DNM2: variants seen among roughly 807,000 people sequenced by gnomAD.
The protein encoded by DNM2 is dynamin 2.
A neutral mutation model predicts 99.0 loss-of-function variants in DNM2; 15 were observed. That is an observed-to-expected ratio of 0.15 (90% CI 0.10 to 0.23). The LOEUF is 0.23. Among genes scored for constraint, DNM2 ranks in the 10% least tolerant of loss-of-function variants. The pLI, the probability that DNM2 is intolerant of heterozygous loss-of-function variation, is 1.00. For missense variants in DNM2, 742 were observed against 1,189.4 expected (o/e 0.62, Z 5.53); for synonymous variants, 525 against 481.2 (o/e 1.09, Z -1.19).
chr19:10,786,762 C>G (rs1363198911), intron 7 of DNM2, 56 bp downstream of exon 7: 1 of 1,610,486 alleles, frequency 6.2e-7, no homozygotes, highest in African/African-American at 1.3e-5. Context: ...TTCCATCAGC[C>G]ACAGGGCCCC....
In DNM2 at chr19:10,796,527, C is replaced by T. The variant is rs377576577; in HGVS notation, c.1197-853C>T. ...CTGCCTCCTGGGAAGCAGAGAGGGA[C>T]CCCCCGCGTCAACTGCTGGAGGCTG... On this transcript the variant is annotated intron_variant, in intron 9 of 20. Transcript: ENST00000389253. The surrounding 1 kb of genome is among the most constrained non-coding windows in gnomAD (Gnocchi z 5.6). 2.8e-4 allele frequency among the ~76,000 whole-genome samples: 43 copies of T among 152,234 alleles called. No homozygotes were observed. The highest frequency in any genetic ancestry group is 9.4e-4 in the African/African-American group (39 of 41,534).
intron 13 of DNM2, among the ~76,000 whole-genome samples, chr19:10,807,064 G>T (rs1457129567): frequency 1.3e-5 from 2 of 151,954 alleles, no homozygotes; most frequent in African/African-American, 4.8e-5. Context: ...CCTGCCTTCA[G>T]TACCTTATTA....
At chr19:10,752,979 C>T (rs2070251807) in intron 1 of DNM2, among the ~76,000 whole-genome samples, 1 of 152,022 alleles carries the variant, frequency 6.6e-6, no homozygotes, top group South Asian at 2.1e-4. Flanking sequence ...AACCAAAAAA[C>T]TTAAGGTGGT....
chr19:10,755,782 GC>G (rs1213952000), intron 1 of DNM2, among the ~76,000 whole-genome samples: 4 of 152,014 alleles, frequency 2.6e-5, no homozygotes, highest in Admixed American at 1.3e-4. Context: ...TCGTGTCTTA[GC>G]CTCCCGAGTG....
chr19:10,810,966 G>A (rs1280959656), intron 14 of DNM2: 1 of 152,482 alleles, frequency 6.6e-6, no homozygotes, highest in Non-Finnish European at 1.5e-5. Flanking sequence ...ACCTCACAGG[G>A]GCTGCTGGCC....
In DNM2 at chr19:10,793,861, G is replaced by T. The variant is rs769166411; in HGVS notation, c.1128+6G>T. On this transcript the variant is annotated splice_donor_region_variant and intron_variant, in intron 8 of 20. Coordinates refer to ENST00000389253, the MANE Select transcript of DNM2 (RefSeq NM_001005361.3). ...TCCCATTTGAGCTGGTGAAGGTAGT[G>T]CCCCCCGGGGCTGGGCCCTCCCGTC... 6.2e-7 allele frequency: 1 copy of T among 1,614,096 alleles called. No homozygotes were observed. Among genetic ancestry groups the T allele is most frequent in the Non-Finnish European group, 8.5e-7 (1 of 1,180,010 alleles).
At chr19:10,794,059 T>G (rs1025952903) in intron 8 of DNM2, among the ~76,000 whole-genome samples, 2 of 152,210 alleles carry the variant, frequency 1.3e-5, no homozygotes, top group Non-Finnish European at 2.9e-5. Context: ...CAGAACAATA[T>G]GAAAACCCCT....
Position 10,765,251 on chromosome 19 carries a change from C to G in DNM2, c.235+5440C>G, listed in dbSNP as rs530734834. Among the ~76,000 whole-genome samples the G allele has an allele frequency of 7.2e-5, 11 of 152,344 alleles. 1 individual carries two copies. The South Asian group carries it at 2.3e-3, about 32-fold the overall frequency. ...GGGATTACAGGCGTGAGCCACCACG[C>G]CCGGCCTGTTTTTTCTTAATGGACT... On this transcript the variant is annotated intron_variant, in intron 2 of 20. Transcript: ENST00000389253. This position sits in a 1 kb window ranked among gnomAD's most constrained non-coding sequence, Gnocchi z 4.4.
chr19:10,718,619 C>A, intron 1 of DNM2: 1 of 635,458 alleles, frequency 1.6e-6, no homozygotes, highest in Non-Finnish European at 2.2e-6. Context: ...GGGGCGGTGT[C>A]ACGGGCCAGG....
Position 10,764,339 on chromosome 19 carries a change from G to A in DNM2, c.235+4528G>A, listed in dbSNP as rs191827139. Among the ~76,000 whole-genome samples the A allele has an allele frequency of 6.6e-6, 1 of 152,324 alleles. No homozygotes were observed. Among genetic ancestry groups the A allele is most frequent in the African/African-American group, 2.4e-5 (1 of 41,572 alleles). ...TGTGGGGTCTGATGTCCAAAGACAG[G>A]GCCCCCAGGGCGCAGCCCACGTTCC... On this transcript the variant is annotated intron_variant, in intron 2 of 20. Transcript: ENST00000389253. This position sits in a 1 kb window ranked among gnomAD's most constrained non-coding sequence, Gnocchi z 4.1.
chr19:10,808,916 G>A (rs1432250519), intron 14 of DNM2: 1 of 291,494 alleles, frequency 3.4e-6, no homozygotes, highest in East Asian at 6.8e-5. Context: ...GGAAGATCTC[G>A]CTTAAGCCAG....
At chr19:10,782,276 C>T (rs1330171902) in intron 5 of DNM2, among the ~76,000 whole-genome samples, 2 of 152,318 alleles carry the variant, frequency 1.3e-5, no homozygotes, top group African/African-American at 4.8e-5. Flanking sequence ...TCAAGCGTTC[C>T]ACCCGCCTCG....
intron 7 of DNM2, among the ~76,000 whole-genome samples, chr19:10,792,539 G>A (rs560162151): frequency 9.8e-5 from 15 of 152,296 alleles, no homozygotes; most frequent in African/African-American, 3.4e-4. Flanking sequence ...TCTAAGGGGC[G>A]ACACATGTTA....
At chr19:10,805,768 G>A (rs192433423) in intron 12 of DNM2, 148 bp from the exon 13 acceptor site, 36 of 927,052 alleles carry the variant, frequency 3.9e-5, no homozygotes, top group African/African-American at 1.3e-4. Context: ...TTTCCCTTGC[G>A]CAGCTCTGTG....
At position 10,829,276 on chromosome 19, in the gene DNM2, A is replaced by G. The variant is rs1452267333; in HGVS notation, c.2291+8A>G. On this transcript the variant is annotated splice_region_variant and intron_variant, in intron 19 of 20. Coordinates refer to ENST00000389253, the MANE Select transcript of DNM2 (RefSeq NM_001005361.3). ...GAGCGCCAGCAGCCACAGGTCCGGAAGCCTGGTTCCCCTACCCTCAAGCAT... is the reference window on the plus strand; with the variant it reads ...GAGCGCCAGCAGCCACAGGTCCGGAGGCCTGGTTCCCCTACCCTCAAGCAT... 6 of 1,612,184 alleles carry G rather than the reference A, an allele frequency of 3.7e-6. No individual in the cohort carries two copies. In the South Asian group the frequency reaches 6.6e-5, roughly 18 times the overall value.
chr19:10,727,258 A>T (rs955174669), intron 1 of DNM2, among the ~76,000 whole-genome samples: 2 of 152,206 alleles, frequency 1.3e-5, no homozygotes, highest in African/African-American at 4.8e-5. Context: ...TAGGTTCATA[A>T]CATTGAAATC....
chr19:10,740,183 G>T (rs998690262), intron 1 of DNM2, among the ~76,000 whole-genome samples: 2 of 151,940 alleles, frequency 1.3e-5, no homozygotes, highest in African/African-American at 2.4e-5. Flanking sequence ...CTAGCTAAAG[G>T]TTTGTCAGTT....
chr19:10,730,994 A>T lies in DNM2; in HGVS notation c.161+12591A>T, dbSNP rs1475001815. Among the ~76,000 whole-genome samples, 3 of 152,188 alleles carry T rather than the reference A, an allele frequency of 2.0e-5. No individual in the cohort carries two copies. In the East Asian group the frequency reaches 5.8e-4, roughly 29 times the overall value. On this transcript the variant is annotated intron_variant, in intron 1 of 20. Coordinates refer to ENST00000389253, the MANE Select transcript of DNM2 (RefSeq NM_001005361.3). The stretch of plus-strand genomic sequence containing the variant: ...CTGGTGACACCTCCATGCCCAGGTG[A>T]AGGAGGAGCAGGCTACTTGGAGCCT...
chr19:10,762,328 G>A (rs1015961838), intron 2 of DNM2, among the ~76,000 whole-genome samples: 2 of 152,150 alleles, frequency 1.3e-5, no homozygotes, highest in Non-Finnish European at 2.9e-5. Flanking sequence ...GTGAGCCACT[G>A]GGCCCGGCCA....
Sources: allele counts gnomAD v4.1 joint callset (sites outside exome capture counted in the v4.1 genomes callset), GRCh38; gene constraint gnomAD v4.1.1; non-coding constraint Gnocchi (gnomAD v3.1); transcripts MANE v1.5; gene names NCBI Gene and HGNC (gene_info 2026-07-23, HGNC 2026-07-21).